Variants in TRHDE observed in about 807,000 individuals in gnomAD.
The protein encoded by TRHDE is thyrotropin-releasing hormone-degrading ectoenzyme.
In TRHDE, 72 loss-of-function variants were observed where a neutral mutation model predicts 125.7. That is an observed-to-expected ratio of 0.57 (90% confidence interval 0.47 to 0.70). TRHDE has a LOEUF of 0.70. Ranked by LOEUF, TRHDE falls within the 30% of genes least tolerant of loss-of-function variation. The probability of loss-of-function intolerance (pLI) is 0.00; values close to 1 mark genes in which losing one functional copy is unlikely to be tolerated. For synonymous variants in TRHDE, 509 were observed against 509.1 expected, an observed-to-expected ratio of 1.00 and a Z score of 0.00; for missense variants, 1,110 against 1,327.1, an observed-to-expected ratio of 0.84 and a Z score of 2.54.
chr12:72,120,271 G>A (rs573967046), intron 2 of TRHDE, among the ~76,000 whole-genome samples: 6 of 152,022 alleles, frequency 3.9e-5, no homozygotes, highest in South Asian at 2.1e-4. Flanking sequence ...GGGTGGTCTC[G>A]ATCTCCTGAC....
intron 5 of TRHDE, among the ~76,000 whole-genome samples, chr12:72,479,465 C>T (rs914765983): frequency 6.6e-6 from 1 of 151,924 alleles, no homozygotes; most frequent in East Asian, 1.9e-4. Flanking sequence ...ATAAAACAAG[C>T]ATAATTCATT....
intron 6 of TRHDE, among the ~76,000 whole-genome samples, chr12:72,530,260 T>G (rs890914550): frequency 9.9e-5 from 15 of 152,208 alleles, no homozygotes; most frequent in African/African-American, 3.6e-4. Flanking sequence ...AATTAAGCTT[T>G]CATTCTTATC....
chr12:72,187,941 A>G (rs1219246166), intron 2 of TRHDE, among the ~76,000 whole-genome samples: 4 of 152,234 alleles, frequency 2.6e-5, no homozygotes, highest in South Asian at 2.1e-4. Context: ...GGGGTCTATT[A>G]TACACATTAA....
chr12:72,364,347 CT>C (rs1047318248), intron 2 of TRHDE, among the ~76,000 whole-genome samples: 1 of 151,924 alleles, frequency 6.6e-6, no homozygotes, highest in Admixed American at 6.6e-5. Context: ...TATATTTTTC[CT>C]CGAATAATAC....
intron 2 of TRHDE, among the ~76,000 whole-genome samples, chr12:72,319,289 G>A (rs1173269140): frequency 1.3e-5 from 2 of 152,058 alleles, no homozygotes; most frequent in African/African-American, 2.4e-5. Flanking sequence ...CCTTGGCCTC[G>A]GGTCCTTCCT....
intron 3 of TRHDE, among the ~76,000 whole-genome samples, chr12:72,465,696 A>G (rs946210661): frequency 1.3e-5 from 2 of 152,186 alleles, no homozygotes; most frequent in Non-Finnish European, 2.9e-5. Context: ...GTTTGTGTAG[A>G]TATATGCTTG....
intron 18 of TRHDE, among the ~76,000 whole-genome samples, chr12:72,662,372 A>G (rs904712009): frequency 7.2e-5 from 11 of 152,198 alleles, no homozygotes; most frequent in Admixed American, 2.0e-4. Context: ...TTTTATGTCA[A>G]AAAATATGGC....
At chr12:72,485,011 C>A (rs1721505133) in intron 5 of TRHDE, among the ~76,000 whole-genome samples, 1 of 152,118 alleles carries the variant, frequency 6.6e-6, no homozygotes, top group Non-Finnish European at 1.5e-5. Context: ...GGGATCAACT[C>A]AGAACCAGGA....
At chr12:72,249,350 C>T (rs554207935) in intron 2 of TRHDE, among the ~76,000 whole-genome samples, 3 of 151,894 alleles carry the variant, frequency 2.0e-5, no homozygotes, top group Middle Eastern at 3.2e-3. Context: ...AGAGAAACAA[C>T]CCAATTAAAA....
intron 3 of TRHDE, among the ~76,000 whole-genome samples, chr12:72,405,940 A>G (rs1873247101): frequency 6.6e-6 from 1 of 152,152 alleles, no homozygotes; most frequent in South Asian, 2.1e-4. Context: ...AAACAGCATT[A>G]TCTCTGTCTC....
At chr12:72,417,088 G>C (rs764890492) in intron 3 of TRHDE, among the ~76,000 whole-genome samples, 1 of 151,748 alleles carries the variant, frequency 6.6e-6, no homozygotes, top group Non-Finnish European at 1.5e-5. Context: ...TGTTTCTTTG[G>C]TTAAGTTAAT....
At chr12:72,250,018 T>C (rs1878647439) in intron 2 of TRHDE, among the ~76,000 whole-genome samples, 1 of 152,114 alleles carries the variant, frequency 6.6e-6, no homozygotes, top group African/African-American at 2.4e-5. Flanking sequence ...TATAAAAAAT[T>C]ATGCTGAAGA....
chr12:72,593,552 C>T (rs1246441401), intron 12 of TRHDE, among the ~76,000 whole-genome samples: 1 of 151,892 alleles, frequency 6.6e-6, no homozygotes, highest in African/African-American at 2.4e-5. Flanking sequence ...TTCTAGGGTA[C>T]CTGTGCACAA....
rs557378902 is a variant in TRHDE at position 72,171,660 on chromosome 12, A to T, written n.279+65908A>T. ...TCTGAGAGAAGGACCAATGAGAGGG[A>T]TACTTTTCTCATGCTGCAGAACTGA... On this transcript the variant is annotated intron_variant and non_coding_transcript_variant, in intron 2 of 4. Transcript: ENST00000548156. Among the ~76,000 whole-genome samples the T allele has an allele frequency of 2.4e-4, 37 of 152,284 alleles. 1 individual carries two copies. The highest frequency in any genetic ancestry group is 2.1e-3 in the Admixed American group (32 of 15,292).
intron 15 of TRHDE, among the ~76,000 whole-genome samples, chr12:72,623,269 G>A (rs956676547): frequency 1.3e-5 from 2 of 151,862 alleles, no homozygotes; most frequent in Non-Finnish European, 2.9e-5. Context: ...TGTGTGTTTT[G>A]TTTGTTTTTG....
intron 3 of TRHDE, among the ~76,000 whole-genome samples, chr12:72,453,349 A>G (rs1405198932): frequency 6.6e-6 from 1 of 152,216 alleles, no homozygotes; most frequent in African/African-American, 2.4e-5. Flanking sequence ...GTGATTACCT[A>G]GGGTATCTGG....
chr12:72,310,664 A>T (rs1868502119), intron 2 of TRHDE, among the ~76,000 whole-genome samples: 1 of 152,110 alleles, frequency 6.6e-6, no homozygotes, highest in Non-Finnish European at 1.5e-5. Context: ...GTATATTTTT[A>T]ACTTGTAACT....
At chr12:72,496,854 A>C (rs1002258493) in intron 5 of TRHDE, among the ~76,000 whole-genome samples, 2 of 152,164 alleles carry the variant, frequency 1.3e-5, no homozygotes, top group African/African-American at 4.8e-5. Context: ...GCCAGGGCTG[A>C]CAAGCTAAGA....
intron 2 of TRHDE, among the ~76,000 whole-genome samples, chr12:72,305,192 C>T (rs1193752265): frequency 6.6e-6 from 1 of 151,826 alleles, no homozygotes; most frequent in Non-Finnish European, 1.5e-5. Flanking sequence ...TATTAAAATC[C>T]CAACAGTAAC....
Sources: gnomAD v4.1 joint callset for allele counts (sites outside exome capture counted in the v4.1 genomes callset) on GRCh38, gnomAD v4.1.1 for gene constraint, MANE v1.5 for transcripts, NCBI Gene and HGNC (gene_info 2026-07-23, HGNC 2026-07-21) for gene names.